DTL: variants seen among roughly 807,000 people sequenced by gnomAD.
DTL encodes denticleless E3 ubiquitin protein ligase adapter.
DTL carries 46 observed loss-of-function variants against 87.0 expected under a neutral mutation model. The ratio of observed to expected loss-of-function variants is 0.53; its 90% CI spans 0.42 to 0.68. DTL has a LOEUF of 0.68. Ranked by LOEUF, DTL falls within the 30% of genes least tolerant of loss-of-function variation. DTL has a pLI of 0.00. For synonymous variants in DTL, 308 were observed against 311.2 expected (o/e 0.99, Z 0.11); for missense variants, 737 against 869.4 (o/e 0.85, Z 1.91).
chr1:212,086,932 C>G (rs1655147297), intron 13 of DTL, among the ~76,000 whole-genome samples: 1 of 152,068 alleles, frequency 6.6e-6, no homozygotes, highest in African/African-American at 2.4e-5. Context: ...AAGTATCTTG[C>G]TTTTAACTAT....
rs776683631 is a variant in DTL at position 212,066,874 on chromosome 1, A to C, written c.702A>C (p.Gly234=). 2 of 1,613,624 alleles carry C rather than the reference A, an allele frequency of 1.2e-6. No individual in the cohort carries two copies. The highest frequency in any genetic ancestry group is 3.3e-5 in the Admixed American group (2 of 60,012). ...FQDENTLVSA[G]AVDGIIKVWD... Reference sequence around the variant, plus strand: ...ACGAGAATACCTTAGTCTCAGCAGGAGCTGTGGATGGGTAAGAGTCTATTT... The same window carrying C: ...ACGAGAATACCTTAGTCTCAGCAGGCGCTGTGGATGGGTAAGAGTCTATTT... The change falls in exon 8 of 15, where the codon GGA becomes GGC. Residue 234 remains glycine (G), a synonymous_variant. Coordinates refer to ENST00000366991, the MANE Select transcript of DTL (RefSeq NM_016448.4).
At chr1:212,052,234 A>G (rs1288139112) in intron 5 of DTL, among the ~76,000 whole-genome samples, 1 of 152,074 alleles carries the variant, frequency 6.6e-6, no homozygotes, top group Non-Finnish European at 1.5e-5. Flanking sequence ...TGACTGTGGT[A>G]TGTCTAGTCA....
At chr1:212,036,050 T>C in intron 1 of DTL, 108 bp downstream of exon 1, 1 of 1,080,162 alleles carries the variant, frequency 9.3e-7, no homozygotes, top group Non-Finnish European at 1.4e-6. Flanking sequence ...AGCTTCTGAG[T>C]TCTCCCATGG....
At chr1:212,046,836 T>G (rs1173584648) in intron 3 of DTL, among the ~76,000 whole-genome samples, 1 of 152,228 alleles carries the variant, frequency 6.6e-6, no homozygotes, top group Non-Finnish European at 1.5e-5. Context: ...AAATGGTATT[T>G]CTGGTTCTAG....
chr1:212,095,165 T>G (rs1655408635), intron 13 of DTL, among the ~76,000 whole-genome samples: 1 of 152,206 alleles, frequency 6.6e-6, no homozygotes, highest in Non-Finnish European at 1.5e-5. Flanking sequence ...ATCCTTGTCT[T>G]TTTCCAGTTC....
chr1:212,094,052 C>A (rs1284118042), intron 13 of DTL, among the ~76,000 whole-genome samples: 1 of 152,146 alleles, frequency 6.6e-6, no homozygotes, highest in Non-Finnish European at 1.5e-5. Context: ...TCTGTGGGTT[C>A]TTTGTTTACT....
intron 5 of DTL, among the ~76,000 whole-genome samples, chr1:212,049,218 C>T (rs756622222): frequency 1.3e-5 from 2 of 152,198 alleles, no homozygotes; most frequent in Non-Finnish European, 2.9e-5. Context: ...CCACCATGCC[C>T]AGCCTGGCTT....
chr1:212,036,002 C>T (rs1667440459), intron 1 of DTL, 60 bp downstream of exon 1: 4 of 1,542,704 alleles, frequency 2.6e-6, no homozygotes, highest in South Asian at 1.1e-5. Context: ...CCGAAACACA[C>T]GCCACCTCCG....
chr1:212,053,053 A>G (rs1479686420), intron 5 of DTL, among the ~76,000 whole-genome samples: 3 of 152,176 alleles, frequency 2.0e-5, no homozygotes, highest in South Asian at 2.1e-4. Context: ...CATTATACAC[A>G]TGCATACAAA....
At chr1:212,063,774 A>G (rs1654407742) in intron 6 of DTL, among the ~76,000 whole-genome samples, 1 of 152,194 alleles carries the variant, frequency 6.6e-6, no homozygotes, top group African/African-American at 2.4e-5. Flanking sequence ...TGATATCTTG[A>G]TACATATATA....
intron 5 of DTL, among the ~76,000 whole-genome samples, chr1:212,058,976 G>A (rs747667030): frequency 9.2e-5 from 14 of 152,188 alleles, no homozygotes; most frequent in Non-Finnish European, 1.9e-4. Context: ...TACCAAGACT[G>A]AATCAGAAAG....
chr1:212,051,442 C>CTTTTTTTTTTTTTTTTTTTTTTTATTTT, intron 5 of DTL: 1 of 196,482 alleles, frequency 5.1e-6, no homozygotes, highest in South Asian at 5.1e-5. Context: ...ATATGAAATT[C>CTTTTTTTTTTTTTTTTTTTTTTTATTTT]TTTTTTTTTT....
Position 212,103,016 on chromosome 1 carries a change from A to G in DTL, c.*76A>G. The G allele has an allele frequency of 1.2e-6, 1 of 845,088 alleles. No individual in the cohort carries two copies. The highest frequency in any genetic ancestry group is 1.9e-6 in the Non-Finnish European group (1 of 529,456). The allele number at this position is 845,088 out of a possible 1,614,324, so 52.3% of individuals were successfully genotyped here. On this transcript the variant is annotated 3_prime_UTR_variant, in exon 15 of 15. Transcript: ENST00000366991. Reference sequence around the variant, plus strand: ...CTTTGGTCCACTAAAACAAGATGAAAAATACAAGAGTGACTCTATAACTCT... The same window carrying G: ...CTTTGGTCCACTAAAACAAGATGAAGAATACAAGAGTGACTCTATAACTCT...
At chr1:212,056,201 T>A (rs1250029873) in intron 5 of DTL, among the ~76,000 whole-genome samples, 1 of 152,200 alleles carries the variant, frequency 6.6e-6, no homozygotes, top group Non-Finnish European at 1.5e-5. Flanking sequence ...AGAATCTACC[T>A]GCCTGGATCC....
At chr1:212,064,809 A>G (rs1654442603) in intron 6 of DTL, 108 bp from the exon 7 acceptor site, 1 of 869,646 alleles carries the variant, frequency 1.1e-6, no homozygotes, top group Non-Finnish European at 1.9e-6. Flanking sequence ...CTGGCTTCTA[A>G]TTTCACCAAC....
chr1:212,068,004 TG>T (rs893985833), intron 8 of DTL, among the ~76,000 whole-genome samples: 1 of 152,198 alleles, frequency 6.6e-6, no homozygotes, highest in Non-Finnish European at 1.5e-5. Context: ...AACCCATCAC[TG>T]GGTCAAATCA....
At chr1:212,098,421 C>T (rs767395105) in intron 13 of DTL, among the ~76,000 whole-genome samples, 5 of 152,128 alleles carry the variant, frequency 3.3e-5, no homozygotes, top group Admixed American at 1.3e-4. Flanking sequence ...TATAAGCTTG[C>T]CTTACGGTTT....
At chr1:212,057,589 C>T (rs75241115) in intron 5 of DTL, among the ~76,000 whole-genome samples, 160 of 152,042 alleles carry the variant, frequency 1.1e-3, no homozygotes, top group African/African-American at 3.7e-3. Flanking sequence ...AGCAAACACA[C>T]AAACAAGAAA....
At chr1:212,098,412 A>G (rs949292182) in intron 13 of DTL, among the ~76,000 whole-genome samples, 1 of 152,192 alleles carries the variant, frequency 6.6e-6, no homozygotes, top group African/African-American at 2.4e-5. Context: ...AGCGGGGGAT[A>G]TAAGCTTGCC....
Sources: allele counts gnomAD v4.1 joint callset (sites outside exome capture counted in the v4.1 genomes callset), GRCh38; gene constraint gnomAD v4.1.1; transcripts MANE v1.5; gene names NCBI Gene and HGNC (gene_info 2026-07-23, HGNC 2026-07-21).